The following DLG2 variants were observed in gnomAD, a reference collection of about 807,000 sequenced individuals.
DLG2 encodes the protein discs large MAGUK scaffold protein 2.
A neutral mutation model predicts 132.5 loss-of-function variants in DLG2; 45 were observed. The ratio of observed to expected loss-of-function variants is 0.34; its 90% CI spans 0.27 to 0.44. The LOEUF (loss-of-function observed/expected upper bound fraction) is 0.44. DLG2 is among the 20% of genes least tolerant of loss of function. The probability of loss-of-function intolerance (pLI) is 1.00; values close to 1 mark genes in which losing one functional copy is unlikely to be tolerated. For missense variants in DLG2, 1,045 were observed against 1,196.9 expected, an observed-to-expected ratio of 0.87 and a Z score of 1.87; for synonymous variants, 424 against 419.6, an observed-to-expected ratio of 1.01 and a Z score of -0.13.
intron 7 of DLG2, among the ~76,000 whole-genome samples, chr11:84,285,351 CCTGT>C (rs1349567942): frequency 2.6e-5 from 4 of 152,170 alleles, no homozygotes; most frequent in Non-Finnish European, 5.9e-5. Flanking sequence ...ATAATTTGGA[CCTGT>C]CTGTCACCAG....
intron 10 of DLG2, among the ~76,000 whole-genome samples, chr11:84,067,198 G>A (rs959689250): frequency 1.3e-5 from 2 of 151,942 alleles, no homozygotes; most frequent in Non-Finnish European, 2.9e-5. Context: ...GCCAGGCATG[G>A]TGGCGGGCCT....
chr11:85,325,473 C>T lies in DLG2; in HGVS notation c.41-40108G>A, dbSNP rs1195041778. 1.3e-3 allele frequency among the ~76,000 whole-genome samples: 174 copies of T among 136,818 alleles called. 1 individual carries two copies. The highest frequency in any genetic ancestry group is 1.4e-3 in the Non-Finnish European group (91 of 63,048). 89.8% of individuals were successfully genotyped at this position (136,818 alleles called of 152,430 possible). A position where few individuals can be genotyped will look rare whatever the true frequency, so the allele number is the denominator to read the frequency against. On this transcript the variant is annotated intron_variant, in intron 3 of 27. Coordinates refer to ENST00000376104, the MANE Select transcript of DLG2 (RefSeq NM_001142699.3). ...AAGTGGGTCCCTGACCCCTGACCCC[C>T]GAGCAGCCTAACTGGGAGGCACCCC...
At chr11:83,528,194 A>C (rs2095654469) in intron 21 of DLG2, among the ~76,000 whole-genome samples, 1 of 152,198 alleles carries the variant, frequency 6.6e-6, no homozygotes, top group Admixed American at 6.5e-5. Flanking sequence ...TTTTCTTTGC[A>C]TGTGTAGACA....
intron 9 of DLG2, among the ~76,000 whole-genome samples, chr11:84,123,995 G>A (rs1399043110): frequency 6.6e-6 from 1 of 152,134 alleles, no homozygotes; most frequent in Non-Finnish European, 1.5e-5. Flanking sequence ...AATAAAGTCG[G>A]TTGAGAGCTA....
chr11:85,073,305 G>A (rs2066117382), intron 6 of DLG2, among the ~76,000 whole-genome samples: 1 of 151,772 alleles, frequency 6.6e-6, no homozygotes, highest in Non-Finnish European at 1.5e-5. Context: ...AACAAATGGT[G>A]GATTTTCAGC....
Position 85,320,997 on chromosome 11 carries a change from C to G in DLG2, c.41-35632G>C, listed in dbSNP as rs184689831. Among the ~76,000 whole-genome samples the G allele has an allele frequency of 2.6e-5, 4 of 151,470 alleles. No individual in the cohort carries two copies. The East Asian group carries it at 5.8e-4, about 22-fold the overall frequency. On this transcript the variant is annotated intron_variant, in intron 3 of 27. Transcript: ENST00000376104. ...ATTTTAAAGTGTCCCTCCTTAGTCT[C>G]ATGTATGGTCCAAAAAATAAAATAA...
intron 2 of DLG2, among the ~76,000 whole-genome samples, chr11:85,600,121 T>C (rs2080048686): frequency 6.6e-6 from 1 of 152,194 alleles, no homozygotes; most frequent in South Asian, 2.1e-4. Flanking sequence ...GCTCCTAACA[T>C]AACATCTACT....
At chr11:84,460,727 A>C (rs769989362) in intron 7 of DLG2, among the ~76,000 whole-genome samples, 3 of 150,824 alleles carry the variant, frequency 2.0e-5, no homozygotes, top group Non-Finnish European at 4.5e-5. Flanking sequence ...TAATTCACTT[A>C]TTCAATAAAT....
intron 3 of DLG2, among the ~76,000 whole-genome samples, chr11:85,366,218 T>C (rs2084541079): frequency 6.6e-6 from 1 of 152,208 alleles, no homozygotes; most frequent in South Asian, 2.1e-4. Flanking sequence ...TTGATTTATA[T>C]GTCTTCATGT....
chr11:85,605,808 G>C (rs181657837), intron 2 of DLG2, among the ~76,000 whole-genome samples: 6 of 152,058 alleles, frequency 3.9e-5, no homozygotes, highest in Non-Finnish European at 7.4e-5. Context: ...GTGAAACCCC[G>C]TCTCTACTAA....
At chr11:83,580,192 A>G (rs1425916329) in intron 19 of DLG2, among the ~76,000 whole-genome samples, 1 of 152,080 alleles carries the variant, frequency 6.6e-6, no homozygotes, top group Non-Finnish European at 1.5e-5. Context: ...AAATATTTGC[A>G]ACATCATTGT....
chr11:85,356,527 G>C (rs2083705397), intron 3 of DLG2, among the ~76,000 whole-genome samples: 1 of 152,150 alleles, frequency 6.6e-6, no homozygotes, highest in South Asian at 2.1e-4. Flanking sequence ...ACCTATTATA[G>C]TGAGACATTC....
chr11:84,905,021 G>A (rs1005613300), intron 6 of DLG2, among the ~76,000 whole-genome samples: 5 of 152,006 alleles, frequency 3.3e-5, no homozygotes, highest in Admixed American at 2.0e-4. Flanking sequence ...GATTATAGGC[G>A]TGCACCACCA....
chr11:84,263,869 G>A (rs957724653), intron 7 of DLG2, among the ~76,000 whole-genome samples: 3 of 152,174 alleles, frequency 2.0e-5, no homozygotes, highest in East Asian at 3.8e-4. Context: ...AATCTGTAAT[G>A]TGCTTATGTT....
intron 6 of DLG2, among the ~76,000 whole-genome samples, chr11:85,013,336 C>A (rs1014680037): frequency 1.3e-5 from 2 of 152,152 alleles, no homozygotes; most frequent in Non-Finnish European, 2.9e-5. Flanking sequence ...ATCTTTGGAT[C>A]CTCAGATAAC....
At chr11:83,974,509 T>C (rs1052417587) in intron 12 of DLG2, among the ~76,000 whole-genome samples, 4 of 152,048 alleles carry the variant, frequency 2.6e-5, no homozygotes, top group Non-Finnish European at 5.9e-5. Context: ...ATAAAACAGA[T>C]TTGTTAATCA....
chr11:85,432,789 C>A (rs1023587131), intron 3 of DLG2, among the ~76,000 whole-genome samples: 1 of 152,064 alleles, frequency 6.6e-6, no homozygotes, highest in Non-Finnish European at 1.5e-5. Flanking sequence ...CAAGAAAAGA[C>A]AACATTCAGA....
intron 19 of DLG2, among the ~76,000 whole-genome samples, chr11:83,568,943 C>A (rs1382791650): frequency 1.3e-5 from 2 of 152,162 alleles, no homozygotes; most frequent in Non-Finnish European, 2.9e-5. Context: ...CTTCCATAAT[C>A]ATTTACTTTC....
intron 16 of DLG2, among the ~76,000 whole-genome samples, chr11:83,837,659 G>A (rs1437943498): frequency 1.6e-5 from 2 of 126,898 alleles, no homozygotes; most frequent in Non-Finnish European, 3.1e-5. Flanking sequence ...GGCTGTTTTT[G>A]TCTGTACTTA....
Sources: gnomAD v4.1 joint callset for allele counts (sites outside exome capture counted in the v4.1 genomes callset) on GRCh38, gnomAD v4.1.1 for gene constraint, MANE v1.5 for transcripts, NCBI Gene and HGNC (gene_info 2026-07-23, HGNC 2026-07-21) for gene names.